Variants in PDSS2 observed in about 807,000 individuals in gnomAD.
PDSS2 encodes all trans-polyprenyl-diphosphate synthase PDSS2.
A neutral mutation model predicts 44.5 loss-of-function variants in PDSS2; 31 were observed. The ratio of observed to expected loss-of-function variants is 0.70; its 90% confidence interval spans 0.52 to 0.94. The LOEUF (loss-of-function observed/expected upper bound fraction) is 0.94, where lower values mean the gene tolerates loss of function less well. Ranked by LOEUF, PDSS2 falls within the 40% of genes least tolerant of loss-of-function variation. The pLI, the probability that PDSS2 is intolerant of heterozygous loss-of-function variation, is 0.00. For synonymous variants in PDSS2, 157 were observed against 180.3 expected (o/e 0.87, Z 1.03); for missense variants, 452 against 482.2 (o/e 0.94, Z 0.59).
At position 107,237,707 on chromosome 6, in the gene PDSS2, C is replaced by A. The variant is rs561000811; in HGVS notation, c.702+7841G>T. On this transcript the variant is annotated intron_variant, in intron 4 of 7. Coordinates refer to ENST00000369037, the MANE Select transcript of PDSS2 (RefSeq NM_020381.4). ...CCTGAGGTCAGGAGTTTGAGACCAG[C>A]CTGGCCAACATACACTAAAACCCCA... 4.0e-5 allele frequency among the ~76,000 whole-genome samples: 6 copies of A among 151,608 alleles called. No homozygotes were observed. The South Asian group carries it at 6.3e-4, about 16-fold the overall frequency.
intron 2 of PDSS2, among the ~76,000 whole-genome samples, chr6:107,276,017 G>C (rs961318486): frequency 6.7e-6 from 1 of 149,588 alleles, no homozygotes; most frequent in African/African-American, 2.5e-5. Flanking sequence ...TTACTTGGGA[G>C]GCTGAGGTGG....
chr6:107,319,624 C>A (rs1777319980), intron 2 of PDSS2, among the ~76,000 whole-genome samples: 1 of 152,138 alleles, frequency 6.6e-6, no homozygotes, highest in South Asian at 2.1e-4. Context: ...TCCAAGTTAC[C>A]TTGCCTACCC....
At chr6:107,206,991 T>C (rs1160898491) in intron 6 of PDSS2, among the ~76,000 whole-genome samples, 1 of 146,918 alleles carries the variant, frequency 6.8e-6, no homozygotes, top group Non-Finnish European at 1.5e-5. Context: ...GAATTTGCTA[T>C]TATTGTTTTT....
At chr6:107,202,506 CA>C (rs1772819635) in intron 6 of PDSS2, among the ~76,000 whole-genome samples, 1 of 152,156 alleles carries the variant, frequency 6.6e-6, no homozygotes, top group Non-Finnish European at 1.5e-5. Flanking sequence ...TAGAGCAGCC[CA>C]CTGAGTATTG....
In PDSS2 at chr6:107,424,036, C is replaced by CATTTTTTTTTTTTTTTTTTTTTTTTT. The variant is rs1554279679; in HGVS notation, c.296+34953_296+34954insAAAAAAAAAAAAAAAAAAAAAAAAAT. 5.5e-5 allele frequency among the ~76,000 whole-genome samples: 5 copies of CATTTTTTTTTTTTTTTTTTTTTTTTT among 90,586 alleles called. 2 individuals are homozygous for CATTTTTTTTTTTTTTTTTTTTTTTTT. Among genetic ancestry groups the CATTTTTTTTTTTTTTTTTTTTTTTTT allele is most frequent in the Admixed American group, 2.7e-4 (2 of 7,480 alleles). 59.4% of individuals were successfully genotyped at this position (90,586 alleles called of 152,430 possible). On this transcript the variant is annotated intron_variant, in intron 1 of 7. Transcript: ENST00000369037. ...AATTATGATTATTTTTATCTTGCAT[C>CATTTTTTTTTTTTTTTTTTTTTTTTT]TTTTTTTTTTTTTTTTTTTTTTTGG...
chr6:107,314,624 C>T (rs2115134284), intron 2 of PDSS2, among the ~76,000 whole-genome samples: 1 of 152,300 alleles, frequency 6.6e-6, no homozygotes, highest in Non-Finnish European at 1.5e-5. Flanking sequence ...ACACAGTGCT[C>T]ATTAGATATA....
intron 2 of PDSS2, among the ~76,000 whole-genome samples, chr6:107,287,786 G>C (rs1295021603): frequency 6.6e-6 from 1 of 152,202 alleles, no homozygotes; most frequent in Non-Finnish European, 1.5e-5. Context: ...CTCCCAAAGT[G>C]CTGGGATCAC....
chr6:107,239,354 T>C (rs1417206163), intron 4 of PDSS2, among the ~76,000 whole-genome samples: 1 of 152,094 alleles, frequency 6.6e-6, no homozygotes, highest in East Asian at 1.9e-4. Context: ...GTTCAGTAAA[T>C]TACAGTATAA....
chr6:107,404,307 T>TCC (rs1780238173), intron 1 of PDSS2, among the ~76,000 whole-genome samples: 1 of 152,328 alleles, frequency 6.6e-6, no homozygotes, highest in South Asian at 2.1e-4. Flanking sequence ...TTCCAAAATT[T>TCC]CCCACAACTT....
intron 4 of PDSS2, among the ~76,000 whole-genome samples, chr6:107,224,556 C>T (rs1029886960): frequency 6.6e-6 from 1 of 151,434 alleles, no homozygotes; most frequent in Non-Finnish European, 1.5e-5. Context: ...TCATGTTAAA[C>T]TATCCCTGAT....
rs763081634 is a variant in PDSS2 at position 107,224,464 on chromosome 6, T to C, written c.703-12182A>G. ...AGGACATACCAAGGGCTACTGTAGC[T>C]TAACTGCTACCAGGCTGATGATAAA... On this transcript the variant is annotated intron_variant, in intron 4 of 7. Transcript: ENST00000369037. Among the ~76,000 whole-genome samples, 25 of 151,382 alleles carry C rather than the reference T, an allele frequency of 1.7e-4. 1 individual carries two copies. The highest frequency in any genetic ancestry group is 2.8e-4 in the Non-Finnish European group (19 of 68,030).
At chr6:107,436,805 T>C (rs1781362773) in intron 1 of PDSS2, among the ~76,000 whole-genome samples, 1 of 152,328 alleles carries the variant, frequency 6.6e-6, no homozygotes, top group Middle Eastern at 3.4e-3. Context: ...TCATACATTA[T>C]ATGTATCAAA....
chr6:107,241,029 G>A (rs894028872), intron 4 of PDSS2, among the ~76,000 whole-genome samples: 51 of 151,726 alleles, frequency 3.4e-4, no homozygotes, highest in Non-Finnish European at 5.6e-4. Flanking sequence ...AGGATGGGTC[G>A]CTTGAGGCCA....
intron 1 of PDSS2, among the ~76,000 whole-genome samples, chr6:107,424,706 G>A (rs1159457102): frequency 2.0e-5 from 3 of 152,076 alleles, no homozygotes; most frequent in Non-Finnish European, 4.4e-5. Flanking sequence ...TATACCTTTG[G>A]TATATGTCTT....
chr6:107,219,444 C>T (rs1773527388), intron 4 of PDSS2, among the ~76,000 whole-genome samples: 1 of 152,088 alleles, frequency 6.6e-6, no homozygotes, highest in Admixed American at 6.6e-5. Context: ...CGCACCACTA[C>T]ACCCGGCTAA....
At chr6:107,227,203 G>A (rs1456344364) in intron 4 of PDSS2, among the ~76,000 whole-genome samples, 1 of 149,324 alleles carries the variant, frequency 6.7e-6, no homozygotes, top group Non-Finnish European at 1.5e-5. Context: ...GGCTGGTCTC[G>A]AACTCCTGAC....
chr6:107,197,270 G>T (rs1341237639), intron 6 of PDSS2, among the ~76,000 whole-genome samples: 1 of 150,606 alleles, frequency 6.6e-6, no homozygotes, highest in Admixed American at 6.6e-5. Flanking sequence ...GTAAGGGGGG[G>T]GTGCAGTCTT....
chr6:107,378,050 T>A (rs1287174321), intron 1 of PDSS2, among the ~76,000 whole-genome samples: 2 of 147,142 alleles, frequency 1.4e-5, no homozygotes, highest in East Asian at 4.1e-4. Flanking sequence ...AATAAAAAAA[T>A]AAAAATAAAA....
At chr6:107,309,346 T>C (rs931366888) in intron 2 of PDSS2, among the ~76,000 whole-genome samples, 5 of 152,230 alleles carry the variant, frequency 3.3e-5, no homozygotes, top group Non-Finnish European at 5.9e-5. Flanking sequence ...GAAGCTAACT[T>C]AGACCTCTGT....
Sources: allele counts gnomAD v4.1 joint callset (sites outside exome capture counted in the v4.1 genomes callset), GRCh38; gene constraint gnomAD v4.1.1; transcripts MANE v1.5; gene names NCBI Gene and HGNC (gene_info 2026-07-23, HGNC 2026-07-21).